The following RASSF4 variants were observed in gnomAD, a reference collection of about 807,000 sequenced individuals.
RASSF4 encodes ras association domain-containing protein 4.
Under a neutral mutation model 41.1 loss-of-function variants are expected in RASSF4, and 38 were observed. The ratio of observed to expected loss-of-function variants is 0.92; its 90% CI spans 0.71 to 1.21. The LOEUF is 1.21. Among genes scored for constraint, RASSF4 ranks in the 50% most tolerant of loss-of-function variants. The probability of loss-of-function intolerance (pLI) is 0.00; values close to 1 mark genes in which losing one functional copy is unlikely to be tolerated. For missense variants in RASSF4, 414 were observed against 419.4 expected (o/e 0.99, Z 0.11); for synonymous variants, 179 against 163.4 (o/e 1.10, Z -0.73).
Position 44,995,870 on chromosome 10 carries a change from A to T in RASSF4, c.*2541A>T, listed in dbSNP as rs983683607. The stretch of plus-strand genomic sequence containing the variant: ...GGCTACCTAGTGTCTCAGGTAATAA[A>T]CGTATCCGAAGATAAAGCAAAGATT... On this transcript the variant is annotated 3_prime_UTR_variant, in exon 11 of 11. Coordinates refer to ENST00000340258, the MANE Select transcript of RASSF4 (RefSeq NM_032023.4). 6.6e-6 allele frequency: 1 copy of T among 152,138 alleles called. No homozygotes were observed. Among genetic ancestry groups the T allele is most frequent in the African/African-American group, 2.4e-5 (1 of 41,416 alleles). The allele number at this position is 152,138 out of a possible 1,614,324, so 9.4% of individuals were successfully genotyped here. A position where few individuals can be genotyped will look rare whatever the true frequency, so the allele number is the denominator to read the frequency against.
rs1429246181 is a variant in RASSF4, at chr10:44,961,944, G to A, written c.-39+2078G>A. Among the ~76,000 whole-genome samples the A allele has an allele frequency of 2.0e-5, 3 of 152,216 alleles. No individual in the cohort carries two copies. In the East Asian group the frequency reaches 5.8e-4, roughly 29 times the overall value. Reference sequence around the variant, plus strand: ...ACAGTTTTCTTATTTTTGTAAAAGAGAAACTTGTAGTTCCCGGGGTCTCCT... The same window carrying A: ...ACAGTTTTCTTATTTTTGTAAAAGAAAAACTTGTAGTTCCCGGGGTCTCCT... On this transcript the variant is annotated intron_variant, in intron 1 of 10. Transcript: ENST00000340258.
intron 4 of RASSF4, chr10:44,982,959 C>T (rs998566884): frequency 1.5e-6 from 1 of 654,754 alleles, no homozygotes; most frequent in Non-Finnish European, 2.9e-6. Flanking sequence ...GCTCCCAACA[C>T]CTATGCAAGC....
rs35924448 is a variant in RASSF4 at position 44,984,902 on chromosome 10, G to A, written c.463G>A (p.Ala155Thr). The A allele has an allele frequency of 2.0e-3, 3,211 of 1,613,516 alleles. 58 individuals are homozygous for A. In the African/African-American group the frequency reaches 0.036, roughly 18 times the overall value. ...GAGCCAGAGGAGGCCCAAGTGCCGC[G>A]CCCCCGGTGAGGCCCAGCGCATCCG... ...CMSQRRPKCR[A>T]PGEAQRIRRH... Residue 155 changes from alanine (A) to threonine (T), a missense_variant, in exon 6 of 11, where the codon GCC becomes ACC. By Grantham distance (58) the Ala-to-Thr change is moderately conservative. Coordinates refer to ENST00000340258, the MANE Select transcript of RASSF4 (RefSeq NM_032023.4).
chr10:44,989,132 T>C lies in RASSF4; in HGVS notation c.532-142T>C, dbSNP rs964701100. Reference sequence around the variant, plus strand: ...GTGTCTCCCAGGTCTGGGAACAGCTTATGTGTGCATCAGCGTGAATGGACA... The same window carrying C: ...GTGTCTCCCAGGTCTGGGAACAGCTCATGTGTGCATCAGCGTGAATGGACA... On this transcript the variant is annotated intron_variant, in intron 6 of 10. Coordinates refer to ENST00000340258, the MANE Select transcript of RASSF4 (RefSeq NM_032023.4). 22 of 602,592 alleles carry C rather than the reference T, an allele frequency of 3.7e-5. 1 individual carries two copies. In the Admixed American group the frequency reaches 6.4e-4, roughly 18 times the overall value. The allele number at this position is 602,592 out of a possible 1,614,324, so 37.3% of individuals were successfully genotyped here.
rs192415138 is a variant in RASSF4 at position 44,994,503 on chromosome 10, A to T, written c.*1174A>T. 5 of 152,548 alleles carry T rather than the reference A, an allele frequency of 3.3e-5. No homozygotes were observed. The highest frequency in any genetic ancestry group is 2.0e-4 in the Admixed American group (3 of 15,300). 9.4% of individuals were successfully genotyped at this position (152,548 alleles called of 1,614,324 possible). ...TCTCTAATGCATGTAGAAGCTCCTT[A>T]CGGGTGCCCATCAAGAGCATAGCTT... is the stretch of plus-strand genomic sequence containing the variant. On this transcript the variant is annotated 3_prime_UTR_variant, in exon 11 of 11. Transcript: ENST00000340258.
In RASSF4 at chr10:44,977,320, G is replaced by T; in HGVS notation, c.139-5201G>T. Reference sequence around the variant, plus strand: ...CTTTCAGAGACCTGCCAGGGGCAGTGACCACCATGGAGGAGACGAGAGGAG... The same window carrying T: ...CTTTCAGAGACCTGCCAGGGGCAGTTACCACCATGGAGGAGACGAGAGGAG... On this transcript the variant is annotated intron_variant, in intron 3 of 10. Transcript: ENST00000340258. 3 of 1,497,392 alleles carry T rather than the reference G, an allele frequency of 2.0e-6. No individual in the cohort carries two copies. In the South Asian group the frequency reaches 4.2e-5, roughly 21 times the overall value. 92.8% of individuals were successfully genotyped at this position (1,497,392 alleles called of 1,614,324 possible).
chr10:44,977,337 C>G, intron 3 of RASSF4: 1 of 1,511,426 alleles, frequency 6.6e-7, no homozygotes, highest in Non-Finnish European at 8.9e-7. Context: ...ATGGAGGAGA[C>G]GAGAGGAGAT....
chr10:44,975,408 C>G (rs1242982474), intron 3 of RASSF4, among the ~76,000 whole-genome samples: 3 of 151,388 alleles, frequency 2.0e-5, no homozygotes, highest in Admixed American at 1.3e-4. Context: ...CCCACTCACT[C>G]CCTTCTTCGC....
Position 44,984,927 on chromosome 10 carries a change from G to T in RASSF4, c.488G>T (p.Arg163Leu), listed in dbSNP as rs771576465. 6.2e-7 allele frequency: 1 copy of T among 1,613,160 alleles called. No individual in the cohort carries two copies. The highest frequency in any genetic ancestry group is 2.2e-5 in the East Asian group (1 of 44,884). ...CRAPGEAQRI[R>L]RHRFSINGHF... is the part of the protein sequence containing the mutation. ...GCCCCCGGTGAGGCCCAGCGCATCC[G>T]GCGACACCGGTTCTCTATCAACGGC... Residue 163 changes from arginine (R) to leucine (L), a missense_variant, in exon 6 of 11, where the codon CGG becomes CTG. By Grantham distance (102) the Arg-to-Leu change is moderately radical (BLOSUM62 -2). Coordinates refer to ENST00000340258, the MANE Select transcript of RASSF4 (RefSeq NM_032023.4).
intron 4 of RASSF4, chr10:44,983,738 CCTGA>C (rs1841807895): frequency 2.3e-6 from 1 of 436,536 alleles, no homozygotes; most frequent in South Asian, 2.4e-5. Flanking sequence ...ATGCGCAGGC[CCTGA>C]CTATGTTCAT....
intron 3 of RASSF4, chr10:44,977,601 G>A (rs1841495914): frequency 6.2e-7 from 1 of 1,613,332 alleles, no homozygotes; most frequent in South Asian, 1.1e-5. Flanking sequence ...GCCCCCATGG[G>A]CTTGCTGCTG....
Position 44,989,738 on chromosome 10 carries a change from C to T in RASSF4, c.685+17C>T, listed in dbSNP as rs778391137. 30 of 1,612,264 alleles carry T rather than the reference C, an allele frequency of 1.9e-5. No individual in the cohort carries two copies. In the East Asian group the frequency reaches 6.7e-4, roughly 36 times the overall value. ...AGTCTGGGGGTAAGTACCTGCCCCACTTCTGGATCGTAAAAGCAAAAGGTC... is the reference window on the plus strand; with the variant it reads ...AGTCTGGGGGTAAGTACCTGCCCCATTTCTGGATCGTAAAAGCAAAAGGTC... On this transcript the variant is annotated intron_variant, in intron 8 of 10. Coordinates refer to ENST00000340258, the MANE Select transcript of RASSF4 (RefSeq NM_032023.4).
chr10:44,962,167 C>T (rs977703058), intron 1 of RASSF4, among the ~76,000 whole-genome samples: 2 of 152,182 alleles, frequency 1.3e-5, no homozygotes, highest in Admixed American at 6.5e-5. Flanking sequence ...CAAGAGACGG[C>T]GCAACACGCT....
At chr10:44,978,709 G>C (rs1231541324) in intron 3 of RASSF4, 2 of 152,660 alleles carry the variant, frequency 1.3e-5, no homozygotes, top group East Asian at 3.9e-4. Flanking sequence ...GGGGGCCGAA[G>C]GGTGGAGGGT....
chr10:44,992,600 A>T (rs1367879045), intron 10 of RASSF4, among the ~76,000 whole-genome samples: 2 of 152,090 alleles, frequency 1.3e-5, no homozygotes, highest in East Asian at 3.9e-4. Flanking sequence ...CCCTCAGCAA[A>T]GTGAAGTGTG....
chr10:44,993,593 A>AT lies in RASSF4; in HGVS notation c.*265dup. 1 of 509,854 alleles carries AT rather than the reference A, an allele frequency of 2.0e-6. No individual in the cohort carries two copies. Among genetic ancestry groups the AT allele is most frequent in the Non-Finnish European group, 3.6e-6 (1 of 279,690 alleles). The allele number at this position is 509,854 out of a possible 1,614,324, so 31.6% of individuals were successfully genotyped here. On this transcript the variant is annotated 3_prime_UTR_variant, in exon 11 of 11. Transcript: ENST00000340258. ...CTGTGTGGCCAGCCCTGTCCACACC[A>AT]TGCCTCTCCTGCACTGGAGAGCAGT...
chr10:44,992,048 C>A, intron 10 of RASSF4, 46 bp downstream of exon 10: 2 of 1,306,824 alleles, frequency 1.5e-6, no homozygotes, highest in Non-Finnish European at 2.2e-6. Flanking sequence ...AACATCAGGG[C>A]AGGTCTGCAA....
At chr10:44,988,653 G>A (rs533153665) in intron 6 of RASSF4, among the ~76,000 whole-genome samples, 117 of 152,334 alleles carry the variant, frequency 7.7e-4, no homozygotes, top group African/African-American at 2.7e-3. Flanking sequence ...AGATCGCTTC[G>A]CCTTGTGTTC....
At chr10:44,969,775 GGA>G (rs1841068592) in intron 1 of RASSF4, among the ~76,000 whole-genome samples, 1 of 152,378 alleles carries the variant, frequency 6.6e-6, no homozygotes, top group Non-Finnish European at 1.5e-5. Context: ...CGGGAAGGCA[GGA>G]GAGAGGCCCA....
Sources: gnomAD v4.1 joint callset for allele counts (sites outside exome capture counted in the v4.1 genomes callset) on GRCh38, gnomAD v4.1.1 for gene constraint, MANE v1.5 for transcripts, NCBI Gene and HGNC (gene_info 2026-07-23, HGNC 2026-07-21) for gene names.